NPAS2: variants seen among roughly 807,000 people sequenced by gnomAD.
NPAS2 encodes neuronal PAS domain protein 2.
A neutral mutation model predicts 107.5 loss-of-function variants in NPAS2; 23 were observed. The ratio of observed to expected loss-of-function variants is 0.21; its 90% CI spans 0.15 to 0.30. The LOEUF (loss-of-function observed/expected upper bound fraction) is 0.30, where lower values mean the gene tolerates loss of function less well. Among genes scored for constraint, NPAS2 ranks in the 10% least tolerant of loss-of-function variants. NPAS2 has a pLI of 1.00. For synonymous variants in NPAS2, 403 were observed against 417.5 expected (o/e 0.97, Z 0.42); for missense variants, 756 against 1,043.3 (o/e 0.72, Z 3.79).
At chr2:100,978,936 T>C (rs1677221937) in intron 15 of NPAS2, among the ~76,000 whole-genome samples, 1 of 152,168 alleles carries the variant, frequency 6.6e-6, no homozygotes, top group African/African-American at 2.4e-5. Flanking sequence ...AGGCCTGAGC[T>C]CTGACTTCAG....
intron 7 of NPAS2, among the ~76,000 whole-genome samples, chr2:100,953,431 G>A (rs533497900): frequency 3.4e-5 from 5 of 147,424 alleles, no homozygotes; most frequent in African/African-American, 5.0e-5. Context: ...TTTAACCACC[G>A]TGACCTATGA....
At chr2:100,842,925 G>A (rs962277922) in intron 1 of NPAS2, among the ~76,000 whole-genome samples, 1 of 152,134 alleles carries the variant, frequency 6.6e-6, no homozygotes, top group Non-Finnish European at 1.5e-5. Flanking sequence ...AGAGGAGTAG[G>A]AAATGCTGGG....
chr2:100,885,292 A>G (rs1415690644), intron 1 of NPAS2, among the ~76,000 whole-genome samples: 1 of 152,198 alleles, frequency 6.6e-6, no homozygotes, highest in Non-Finnish European at 1.5e-5. Flanking sequence ...AATTGCAATG[A>G]ATATGTACTG....
chr2:100,919,368 A>AG (rs1008548193), intron 2 of NPAS2, among the ~76,000 whole-genome samples: 8 of 152,162 alleles, frequency 5.3e-5, no homozygotes, highest in Non-Finnish European at 7.4e-5. Context: ...GTTAATTTTA[A>AG]GGGGAAAAAA....
chr2:100,870,618 C>T (rs1282046020), intron 1 of NPAS2, among the ~76,000 whole-genome samples: 1 of 151,976 alleles, frequency 6.6e-6, no homozygotes, highest in Non-Finnish European at 1.5e-5. Context: ...TGGTCTCAAA[C>T]TCAACTCAAG....
At chr2:100,890,781 C>T (rs1017502110) in intron 1 of NPAS2, among the ~76,000 whole-genome samples, 1 of 152,098 alleles carries the variant, frequency 6.6e-6, no homozygotes, top group African/African-American at 2.4e-5. Context: ...GAAGAGTGCT[C>T]CTTGCTGCTG....
intron 1 of NPAS2, among the ~76,000 whole-genome samples, chr2:100,899,822 T>C (rs1460760886): frequency 6.6e-6 from 1 of 152,176 alleles, no homozygotes; most frequent in Non-Finnish European, 1.5e-5. Context: ...TTGATGAAAG[T>C]GCTAATGCAA....
chr2:100,887,539 A>C (rs1226014510), intron 1 of NPAS2, among the ~76,000 whole-genome samples: 2 of 152,234 alleles, frequency 1.3e-5, no homozygotes, highest in Non-Finnish European at 2.9e-5. Context: ...CGTGCAAATT[A>C]TCACTATAAT....
At chr2:100,948,194 T>C (rs1217945771) in intron 5 of NPAS2, 41 bp from the exon 6 acceptor site, 3 of 1,594,830 alleles carry the variant, frequency 1.9e-6, no homozygotes, top group Non-Finnish European at 2.6e-6. Context: ...GTTTTTCATC[T>C]TCGTTGAGGG....
intron 1 of NPAS2, among the ~76,000 whole-genome samples, chr2:100,837,774 C>G (rs1453839755): frequency 6.6e-6 from 1 of 152,128 alleles, no homozygotes. Flanking sequence ...AAGTAAAGAA[C>G]AGTTGGGCGT....
At chr2:100,922,197 A>T (rs991664149) in intron 2 of NPAS2, among the ~76,000 whole-genome samples, 1 of 152,170 alleles carries the variant, frequency 6.6e-6, no homozygotes, top group Non-Finnish European at 1.5e-5. Context: ...ACTGTTGTTT[A>T]TCTTGATTTT....
chr2:100,841,801 AATACATGTAT>A (rs1677421118), intron 1 of NPAS2, among the ~76,000 whole-genome samples: 2 of 152,168 alleles, frequency 1.3e-5, no homozygotes, highest in Non-Finnish European at 2.9e-5. Context: ...CGCATGCACA[AATACATGTAT>A]ATACCCACAG....
intron 16 of NPAS2, chr2:100,985,458 C>T (rs963268038): frequency 1.3e-5 from 2 of 152,208 alleles, no homozygotes; most frequent in African/African-American, 4.8e-5. Flanking sequence ...GGATATACAT[C>T]GATGGGACAG....
chr2:100,993,470 A>G lies in NPAS2; in HGVS notation c.2235A>G (p.Gln745=), dbSNP rs144159490. ...TCCACCCCAGCTTCCCTGCCTCCCA[A>G]CCATCGCCCCTGCAGCCTGCACAGG... ...AVLHPSFPAS[Q]PSPLQPAQAR... Residue 745 remains glutamine, a synonymous_variant, in exon 20 of 21, where the codon CAA becomes CAG. Transcript: ENST00000335681. 32 of 1,610,532 alleles carry G rather than the reference A, an allele frequency of 2.0e-5. No individual in the cohort carries two copies. Among genetic ancestry groups the G allele is most frequent in the Non-Finnish European group, 2.5e-5 (29 of 1,178,606 alleles).
intron 1 of NPAS2, among the ~76,000 whole-genome samples, chr2:100,858,240 T>C (rs1678708332): frequency 6.6e-6 from 1 of 152,200 alleles, no homozygotes; most frequent in Admixed American, 6.5e-5. Context: ...ATGAGGATGC[T>C]ATCCATATTT....
At chr2:100,870,558 G>A (rs185119667) in intron 1 of NPAS2, among the ~76,000 whole-genome samples, 1 of 152,154 alleles carries the variant, frequency 6.6e-6, no homozygotes, top group African/African-American at 2.4e-5. Context: ...ACCACACCTG[G>A]TGAATTTTTG....
chr2:100,842,537 C>T (rs896143610), intron 1 of NPAS2, among the ~76,000 whole-genome samples: 8 of 152,120 alleles, frequency 5.3e-5, no homozygotes, highest in African/African-American at 1.9e-4. Context: ...AAGAAAGGGC[C>T]CTTTTCCCTG....
chr2:100,975,400 C>T (rs980723780), intron 13 of NPAS2, 58 bp from the exon 14 acceptor site: 31 of 1,462,832 alleles, frequency 2.1e-5, no homozygotes, highest in African/African-American at 1.1e-4. Flanking sequence ...GTCCCCTCTT[C>T]GGATGAGTAC....
In NPAS2 at chr2:100,955,548, A is replaced by G. The variant is rs1025818708; in HGVS notation, c.598+6068A>G. Among the ~76,000 whole-genome samples, 7 of 152,290 alleles carry G rather than the reference A, an allele frequency of 4.6e-5. No individual in the cohort carries two copies. The South Asian group carries it at 1.4e-3, about 32-fold the overall frequency. On this transcript the variant is annotated intron_variant, in intron 7 of 20. Transcript: ENST00000335681. ...CAGCTCCACAATACACTCTGGGGAT[A>G]GAGTGCACTTATATGCAGAAGAGCT...
Sources: allele counts gnomAD v4.1 joint callset (sites outside exome capture counted in the v4.1 genomes callset), GRCh38; gene constraint gnomAD v4.1.1; transcripts MANE v1.5; gene names NCBI Gene and HGNC (gene_info 2026-07-23, HGNC 2026-07-21).